Variants in PSMA6 observed in about 807,000 individuals in gnomAD.
PSMA6 encodes the protein proteasome 20S subunit alpha 6.
For synonymous variants in PSMA6, 88 were observed against 97.7 expected, an observed-to-expected ratio of 0.90 and a Z score of 0.59; for missense variants, 170 against 294.8, an observed-to-expected ratio of 0.58 and a Z score of 3.10.
chr14:35,312,131 C>G (rs1209329604), intron 4 of PSMA6, among the ~76,000 whole-genome samples: 1 of 149,902 alleles, frequency 6.7e-6, no homozygotes, highest in Non-Finnish European at 1.5e-5. Context: ...TTTGGGAGGC[C>G]GAGGCAGGAG....
chr14:35,314,207 A>T, intron 5 of PSMA6, 154 bp from the exon 6 acceptor site: 1 of 818,552 alleles, frequency 1.2e-6, no homozygotes, highest in Non-Finnish European at 1.6e-6. Context: ...ATTGGGAGGC[A>T]ATACATTAGA....
chr14:35,312,506 C>CAAAA (rs200184285), intron 4 of PSMA6, among the ~76,000 whole-genome samples: 18 of 100,216 alleles, frequency 1.8e-4, no homozygotes, highest in Non-Finnish European at 2.3e-4. Context: ...GAGTCTGTCT[C>CAAAA]AAAAAAAAAA....
chr14:35,316,666 G>A (rs367713810), intron 6 of PSMA6: 3 of 152,232 alleles, frequency 2.0e-5, no homozygotes, highest in East Asian at 3.9e-4. Context: ...AGGAGTTCCA[G>A]ACCAGCCTGT....
At chr14:35,306,276 G>C (rs936616460) in intron 1 of PSMA6, among the ~76,000 whole-genome samples, 10 of 151,846 alleles carry the variant, frequency 6.6e-5, no homozygotes, top group Non-Finnish European at 1.5e-5. Context: ...ATATTGCAGA[G>C]GCTGTCCTGG....
chr14:35,281,153 G>A (rs2051362455), intron 1 of PSMA6, among the ~76,000 whole-genome samples: 1 of 152,054 alleles, frequency 6.6e-6, no homozygotes, highest in South Asian at 2.1e-4. Flanking sequence ...GGGAGGGATG[G>A]CTTCAATAGC....
At chr14:35,308,378 A>G in intron 2 of PSMA6, 1 of 223,678 alleles carries the variant, frequency 4.5e-6, no homozygotes, top group Non-Finnish European at 8.9e-6. Context: ...CCAGGATCAC[A>G]CCATTGCACT....
At chr14:35,287,588 C>T (rs1440091231), upstream of PSMA6, among the ~76,000 whole-genome samples, 1 of 152,206 alleles carries the variant, frequency 6.6e-6, no homozygotes, top group East Asian at 1.9e-4. Flanking sequence ...TTACCTTCCA[C>T]CTACCTCCAC....
At chr14:35,292,623 C>A (rs772477535) in intron 1 of PSMA6, 71 bp downstream of exon 1, 3 of 1,573,850 alleles carry the variant, frequency 1.9e-6, no homozygotes, top group Non-Finnish European at 2.6e-6. Context: ...AGCGAGCAGA[C>A]GCGGCCCGGG....
intron 1 of PSMA6, among the ~76,000 whole-genome samples, chr14:35,284,545 C>T (rs1181099150): frequency 6.6e-6 from 1 of 152,158 alleles, no homozygotes; most frequent in East Asian, 1.9e-4. Flanking sequence ...CTGTGTGTCT[C>T]CCAGAGCAGC....
At position 35,308,954 on chromosome 14, in the gene PSMA6, A is replaced by G. The variant is rs757811820; in HGVS notation, c.212A>G (p.Lys71Arg). ...TCCAGCACAGTGACTCACTTATTCA[A>G]GATAACTGAAAACATTGGTTGTGTG... ...LDSSTVTHLF[K>R]ITENIGCVMT... Residue 71 changes from lysine (K) to arginine (R), a missense_variant, in exon 3 of 7, where the codon AAG (lysine) becomes AGG (arginine). By Grantham distance (26) the Lys-to-Arg change is conservative. Transcript: ENST00000261479. 14 of 1,610,684 alleles carry G rather than the reference A, an allele frequency of 8.7e-6. No homozygotes were observed. In the South Asian group the frequency reaches 1.2e-4, roughly 14 times the overall value.
In PSMA6 at chr14:35,317,392, T is replaced by A; in HGVS notation, c.*86T>A. The A allele has an allele frequency of 8.2e-7, 1 of 1,224,458 alleles. No homozygotes were observed. The highest frequency in any genetic ancestry group is 1.2e-6 in the Non-Finnish European group (1 of 838,012). The allele number at this position is 1,224,458 out of a possible 1,614,324, so 75.8% of individuals were successfully genotyped here. A position where few individuals can be genotyped will look rare whatever the true frequency, so the allele number is the denominator to read the frequency against. On this transcript the variant is annotated 3_prime_UTR_variant, in exon 7 of 7. Coordinates refer to ENST00000261479, the MANE Select transcript of PSMA6 (RefSeq NM_002791.3). ...ACCAACATCATGGAGGTCCCTGGAT[T>A]GAAAAAGGAGCCTCTCCCACTCCTC...
At chr14:35,305,056 G>A (rs2138738756) in intron 1 of PSMA6, among the ~76,000 whole-genome samples, 1 of 152,224 alleles carries the variant, frequency 6.6e-6, no homozygotes, top group South Asian at 2.1e-4. Flanking sequence ...CTGGGTGACA[G>A]AGCAAGATGC....
intron 6 of PSMA6, chr14:35,316,451 CT>C (rs1283466869): frequency 6.6e-6 from 1 of 151,406 alleles, no homozygotes; most frequent in African/African-American, 2.4e-5. Context: ...GGCTGGTAGA[CT>C]ATTCATAGAA....
At chr14:35,293,623 A>G (rs940676049) in intron 1 of PSMA6, among the ~76,000 whole-genome samples, 2 of 152,228 alleles carry the variant, frequency 1.3e-5, no homozygotes, top group African/African-American at 2.4e-5. Flanking sequence ...TGCTCAGTGT[A>G]TTACTGCATA....
intron 5 of PSMA6, 68 bp downstream of exon 5, chr14:35,313,127 C>G (rs2051976882): frequency 1.5e-6 from 2 of 1,306,988 alleles, no homozygotes; most frequent in Non-Finnish European, 1.0e-6. Context: ...TGTATAATTT[C>G]TATACAAAGC....
At chr14:35,289,935 AAG>A (rs2051460121), upstream of PSMA6, among the ~76,000 whole-genome samples, 1 of 151,268 alleles carries the variant, frequency 6.6e-6, no homozygotes, top group African/African-American at 2.4e-5. Flanking sequence ...AAAAAAAAAA[AAG>A]GCAGAATAGC....
At chr14:35,312,506 CAAAAA>C (rs200184285) in intron 4 of PSMA6, among the ~76,000 whole-genome samples, 9 of 100,218 alleles carry the variant, frequency 9.0e-5, no homozygotes, top group African/African-American at 3.2e-4. Context: ...GAGTCTGTCT[CAAAAA>C]AAAAAAAAAA....
At chr14:35,302,426 G>GT (rs1406741307) in intron 1 of PSMA6, among the ~76,000 whole-genome samples, 2 of 151,504 alleles carry the variant, frequency 1.3e-5, no homozygotes, top group Admixed American at 6.6e-5. Context: ...GTTTCTTTAT[G>GT]TTTTTCATTT....
chr14:35,307,061 T>A (rs1480731439), intron 1 of PSMA6, among the ~76,000 whole-genome samples: 1 of 152,100 alleles, frequency 6.6e-6, no homozygotes, highest in Non-Finnish European at 1.5e-5. Flanking sequence ...GGCAGGAGAA[T>A]CACTTGAACC....
Sources: allele counts gnomAD v4.1 joint callset (sites outside exome capture counted in the v4.1 genomes callset), GRCh38; gene constraint gnomAD v4.1.1; transcripts MANE v1.5; gene names NCBI Gene and HGNC (gene_info 2026-07-23, HGNC 2026-07-21).